RFX7: variants seen among roughly 807,000 people sequenced by gnomAD.
RFX7 encodes DNA-binding protein RFX7.
A neutral mutation model predicts 111.8 loss-of-function variants in RFX7; 26 were observed. The ratio of observed to expected loss-of-function variants is 0.23; its 90% CI spans 0.17 to 0.32. RFX7 has a LOEUF of 0.32. RFX7 is among the 10% of genes least tolerant of loss of function. The probability of loss-of-function intolerance (pLI) is 1.00; values close to 1 mark genes in which losing one functional copy is unlikely to be tolerated. For synonymous variants in RFX7, 624 were observed against 624.4 expected (o/e 1.00, Z 0.01); for missense variants, 1,573 against 1,772.9 (o/e 0.89, Z 2.02).
chr15:56,190,391 A>AT (rs1376018835), intron 2 of RFX7, among the ~76,000 whole-genome samples: 1 of 152,152 alleles, frequency 6.6e-6, no homozygotes, highest in Admixed American at 6.5e-5. Flanking sequence ...GGTCATACCA[A>AT]TTTCCAGGGA....
chr15:56,098,518 G>T, intron 8 of RFX7, 142 bp from the exon 9 acceptor site: 1 of 751,562 alleles, frequency 1.3e-6, no homozygotes, highest in Non-Finnish European at 2.1e-6. Context: ...TCTTTATGAA[G>T]CATTAGACTT....
intron 4 of RFX7, among the ~76,000 whole-genome samples, chr15:56,143,465 A>C (rs1199532943): frequency 6.6e-6 from 1 of 151,912 alleles, no homozygotes; most frequent in East Asian, 1.9e-4. Flanking sequence ...TGAACAGACA[A>C]ATCTCCCCCT....
chr15:56,126,846 T>C (rs553543837), intron 5 of RFX7, among the ~76,000 whole-genome samples: 1 of 152,182 alleles, frequency 6.6e-6, no homozygotes, highest in African/African-American at 2.4e-5. Flanking sequence ...TAACTTTTTA[T>C]GCAGCAAACA....
At chr15:56,230,503 G>T (rs567241902) in intron 2 of RFX7, among the ~76,000 whole-genome samples, 5 of 152,090 alleles carry the variant, frequency 3.3e-5, no homozygotes, top group African/African-American at 4.8e-5. Context: ...ACCACATTAT[G>T]TTATCAAATA....
intron 3 of RFX7, among the ~76,000 whole-genome samples, chr15:56,170,852 A>C (rs1225380253): frequency 6.6e-6 from 1 of 152,174 alleles, no homozygotes; most frequent in Non-Finnish European, 1.5e-5. Flanking sequence ...ATTGTCTTCT[A>C]TTCCACAGTT....
rs1458724691 is a variant in RFX7, at chr15:56,224,503, C to T, written c.161+18622G>A. Among the ~76,000 whole-genome samples, 75 of 119,190 alleles carry T rather than the reference C, an allele frequency of 6.3e-4. 1 individual carries two copies. In the Admixed American group the frequency reaches 6.3e-3, roughly 10 times the overall value. The allele number at this position is 119,190 out of a possible 152,430, so 78.2% of individuals were successfully genotyped here. A position where few individuals can be genotyped will look rare whatever the true frequency, so the allele number is the denominator to read the frequency against. On this transcript the variant is annotated intron_variant, in intron 2 of 9. Transcript: ENST00000559447. ...TGTGTGTGTGTGTGTGTGCAGTTCT[C>T]TGTGTAAAACTGTATTAACTATACG...
At chr15:56,193,311 G>A (rs118190341) in intron 2 of RFX7, 4,094 of 152,314 alleles carry the variant, frequency 0.027, 76 homozygotes, top group Non-Finnish European at 0.042. Flanking sequence ...CAGGAAAGGC[G>A]CGTGTGGTGT....
intron 5 of RFX7, among the ~76,000 whole-genome samples, chr15:56,141,072 A>G (rs1163641679): frequency 6.6e-6 from 1 of 152,234 alleles, no homozygotes; most frequent in Non-Finnish European, 1.5e-5. Context: ...AAAACCAGCA[A>G]GACATCTTTG....
chr15:56,224,725 A>G (rs2043463917), intron 2 of RFX7, among the ~76,000 whole-genome samples: 1 of 151,950 alleles, frequency 6.6e-6, no homozygotes, highest in African/African-American at 2.4e-5. Context: ...AGTAACTTCT[A>G]TTTTCACTTG....
intron 9 of RFX7, among the ~76,000 whole-genome samples, chr15:56,097,287 C>G (rs1477320024): frequency 6.6e-6 from 1 of 152,128 alleles, no homozygotes; most frequent in African/African-American, 2.4e-5. Context: ...GAGACTGTTT[C>G]CTTATCTACA....
chr15:56,155,275 T>C (rs1430265687), intron 3 of RFX7, among the ~76,000 whole-genome samples: 1 of 151,284 alleles, frequency 6.6e-6, no homozygotes, highest in Non-Finnish European at 1.5e-5. Flanking sequence ...TTACTGGGCA[T>C]ATACCCATAA....
In RFX7 at chr15:56,096,262, A is replaced by G; in HGVS notation, c.1466T>C (p.Leu489Pro). 6.2e-7 allele frequency: 1 copy of G among 1,613,954 alleles called. No individual in the cohort carries two copies. Among genetic ancestry groups the G allele is most frequent in the Non-Finnish European group, 8.5e-7 (1 of 1,179,876 alleles). The change falls in exon 10 of 10, where the codon CTT becomes CCT. Residue 489 changes from leucine (L) to proline (P), a missense_variant. Leu to Pro is a moderately conservative substitution (Grantham distance 98). Coordinates refer to ENST00000559447, the MANE Select transcript of RFX7 (RefSeq NM_022841.7). Reference protein sequence around the residue: ...SLTPSNSNTPLKHSASVSSAT... With the variant: ...SLTPSNSNTPPKHSASVSSAT... The stretch of plus-strand genomic sequence containing the variant: ...ACTGCTGACTGAGGCAGAATGTTTA[A>G]GAGGGGTGTTACTGTTGCTGGGTGT...
At chr15:56,198,541 C>T (rs1454338635) in intron 2 of RFX7, among the ~76,000 whole-genome samples, 1 of 152,024 alleles carries the variant, frequency 6.6e-6, no homozygotes, top group Non-Finnish European at 1.5e-5. Flanking sequence ...TACATAGCAC[C>T]ATGAAGATAA....
intron 5 of RFX7, among the ~76,000 whole-genome samples, chr15:56,138,442 G>A (rs1186204508): frequency 1.3e-5 from 2 of 149,810 alleles, no homozygotes; most frequent in South Asian, 4.6e-4. Flanking sequence ...TGCAACCCCT[G>A]CCTTTTTTTG....
At chr15:56,131,960 T>C (rs1199983719) in intron 5 of RFX7, among the ~76,000 whole-genome samples, 1 of 152,018 alleles carries the variant, frequency 6.6e-6, no homozygotes, top group East Asian at 1.9e-4. Flanking sequence ...CCAAAACAAA[T>C]AGTCTTTTTC....
At chr15:56,198,335 A>G (rs1320550779) in intron 2 of RFX7, among the ~76,000 whole-genome samples, 3 of 152,158 alleles carry the variant, frequency 2.0e-5, no homozygotes, top group Non-Finnish European at 4.4e-5. Flanking sequence ...GACGCCCTCA[A>G]AAGAAAAACA....
intron 2 of RFX7, among the ~76,000 whole-genome samples, chr15:56,234,959 T>A (rs2043606666): frequency 6.6e-6 from 1 of 152,176 alleles, no homozygotes; most frequent in African/African-American, 2.4e-5. Context: ...ATTGTTCCCC[T>A]GGGAGTTGAC....
intron 5 of RFX7, among the ~76,000 whole-genome samples, chr15:56,141,289 A>G (rs2042389352): frequency 6.6e-6 from 1 of 151,594 alleles, no homozygotes; most frequent in Admixed American, 6.6e-5. Flanking sequence ...TGGGGGTGGG[A>G]GTGGGAGTTA....
chr15:56,237,982 A>G lies in RFX7; in HGVS notation c.161+5143T>C, dbSNP rs372614928. 7.2e-5 allele frequency among the ~76,000 whole-genome samples: 11 copies of G among 152,196 alleles called. No individual in the cohort carries two copies. In the East Asian group the frequency reaches 1.3e-3, roughly 19 times the overall value. On this transcript the variant is annotated intron_variant, in intron 2 of 9. Coordinates refer to ENST00000559447, the MANE Select transcript of RFX7 (RefSeq NM_022841.7). ...AGGTCAACCTACTAATCAAAAATAC[A>G]TGGAAGCCAGCTGATGTGCTAGTCG...
Sources: gnomAD v4.1 joint callset for allele counts (sites outside exome capture counted in the v4.1 genomes callset) on GRCh38, gnomAD v4.1.1 for gene constraint, MANE v1.5 for transcripts, NCBI Gene and HGNC (gene_info 2026-07-23, HGNC 2026-07-21) for gene names.